LRRN2: variants seen among roughly 807,000 people sequenced by gnomAD.
LRRN2 encodes the protein leucine rich repeat neuronal 2.
LRRN2 carries 10 observed loss-of-function variants against 35.7 expected under a neutral mutation model. The ratio of observed to expected loss-of-function variants is 0.28; its 90% confidence interval spans 0.17 to 0.47. LRRN2 has a LOEUF of 0.47. LRRN2 is among the 20% of genes least tolerant of loss of function. LRRN2 has a pLI of 0.99. For missense variants in LRRN2, 731 were observed against 940.3 expected, an observed-to-expected ratio of 0.78 and a Z score of 2.91; for synonymous variants, 391 against 409.6, an observed-to-expected ratio of 0.95 and a Z score of 0.55.
intron 1 of LRRN2, chr1:204,627,082 T>C (rs1387752419): frequency 6.6e-6 from 1 of 152,156 alleles, no homozygotes; most frequent in African/African-American, 2.4e-5. Context: ...GAAAGCAAAG[T>C]CTCAGAGGAA....
chr1:204,631,264 ATATATATATATATAT>A (rs1667692157), intron 1 of LRRN2, among the ~76,000 whole-genome samples: 1 of 22,734 alleles, frequency 4.4e-5, no homozygotes, highest in African/African-American at 1.3e-4. Flanking sequence ...TTCTATATAT[ATATATATATATATAT>A]ATATATATAT....
intron 1 of LRRN2, among the ~76,000 whole-genome samples, chr1:204,640,979 C>T (rs1281815941): frequency 6.6e-6 from 1 of 150,506 alleles, no homozygotes; most frequent in Non-Finnish European, 1.5e-5. Flanking sequence ...CTAATAACAG[C>T]TCTAGCACTT....
intron 1 of LRRN2, among the ~76,000 whole-genome samples, chr1:204,668,953 A>G (rs961145956): frequency 6.6e-6 from 1 of 152,066 alleles, no homozygotes; most frequent in Admixed American, 6.6e-5. Context: ...TCTCCCAAGT[A>G]GCTGGAACTA....
At chr1:204,634,942 C>T (rs1167389481) in intron 1 of LRRN2, among the ~76,000 whole-genome samples, 2 of 152,140 alleles carry the variant, frequency 1.3e-5, no homozygotes, top group Admixed American at 6.5e-5. Flanking sequence ...CAGAGACGTA[C>T]AGCTCAAATG....
chr1:204,624,895 G>A (rs928365199), intron 1 of LRRN2, among the ~76,000 whole-genome samples: 4 of 152,182 alleles, frequency 2.6e-5, no homozygotes, highest in Non-Finnish European at 2.9e-5. Flanking sequence ...TGAGTGTAGC[G>A]TTGATAAACT....
rs1453791580 is a variant in LRRN2 at position 204,618,837 on chromosome 1, G to A, written c.1156C>T (p.Arg386Cys). The A allele has an allele frequency of 3.7e-6, 6 of 1,613,990 alleles. No homozygotes were observed. The highest frequency in any genetic ancestry group is 1.6e-4 in the Middle Eastern group (1 of 6,084). Residue 386 changes from arginine (R) to cysteine (C), a missense_variant, in exon 2 of 2, where the codon CGT becomes TGT. Transcript: ENST00000367177. ...VIRWANATGTRVRFIEPQSTL... is the reference protein window; with the variant it reads ...VIRWANATGTCVRFIEPQSTL... ...GATTGCGGCTCGATGAAGCGGACAC[G>A]GGTGCCCGTGGCATTGGCCCAGCGG...
In LRRN2 at chr1:204,680,636, G is replaced by C. The variant is rs56831493; in HGVS notation, c.-227+4684C>G. 8.2e-3 allele frequency among the ~76,000 whole-genome samples: 1,253 copies of C among 152,292 alleles called. 23 individuals carry two copies. Among genetic ancestry groups the C allele is most frequent in the African/African-American group, 0.029 (1,221 of 41,542 alleles). On this transcript the variant is annotated intron_variant, in intron 1 of 1. Transcript: ENST00000367177. The stretch of plus-strand genomic sequence containing the variant: ...AAGGTCATGAGGCTAACCCCCAGCA[G>C]GGATGCACCAGGTCCCCTGCACCAA...
At chr1:204,644,174 G>A (rs527362099) in intron 1 of LRRN2, among the ~76,000 whole-genome samples, 3 of 152,174 alleles carry the variant, frequency 2.0e-5, no homozygotes, top group South Asian at 4.2e-4. Flanking sequence ...TAAAATGGGA[G>A]TGGTGGTCAG....
chr1:204,619,838 G>C lies in LRRN2; in HGVS notation c.155C>G (p.Thr52Ser). The C allele has an allele frequency of 6.2e-7, 1 of 1,613,922 alleles. No individual in the cohort carries two copies. Among genetic ancestry groups the C allele is most frequent in the Non-Finnish European group, 8.5e-7 (1 of 1,179,880 alleles). The change falls in exon 2 of 2, where the codon ACT becomes AGT. Residue 52 changes from threonine to serine, a missense_variant. Physicochemically the swap from Thr to Ser is moderately conservative, Grantham distance 58. Coordinates refer to ENST00000367177, the MANE Select transcript of LRRN2 (RefSeq NM_201630.2). ...CAGGAATAGGTCATTGCAGTCCACAGTGGTAGCCTCGCGGTAGGACGAGCG... is the reference window on the plus strand; with the variant it reads ...CAGGAATAGGTCATTGCAGTCCACACTGGTAGCCTCGCGGTAGGACGAGCG... ...TPRSSYREAT[T>S]VDCNDLFLTA...
At chr1:204,635,062 C>T (rs1356089239) in intron 1 of LRRN2, among the ~76,000 whole-genome samples, 2 of 152,172 alleles carry the variant, frequency 1.3e-5, no homozygotes, top group Non-Finnish European at 2.9e-5. Context: ...AGCTATTGGT[C>T]AGGTGGGCAG....
intron 1 of LRRN2, among the ~76,000 whole-genome samples, chr1:204,638,266 A>C (rs1022310486): frequency 3.5e-4 from 54 of 152,232 alleles, no homozygotes; most frequent in African/African-American, 1.2e-3. Context: ...TGTTCACAAC[A>C]GGACTCGGCT....
intron 1 of LRRN2, among the ~76,000 whole-genome samples, chr1:204,666,696 C>T (rs906094579): frequency 1.3e-5 from 2 of 152,168 alleles, no homozygotes; most frequent in African/African-American, 4.8e-5. Flanking sequence ...CGCGGTGGCT[C>T]ATGCCTGTAA....
chr1:204,674,792 G>A (rs1299168635), intron 1 of LRRN2, among the ~76,000 whole-genome samples: 2 of 152,192 alleles, frequency 1.3e-5, no homozygotes, highest in East Asian at 1.9e-4. Context: ...AACCTGGGCT[G>A]GCTGCGGATG....
Position 204,618,667 on chromosome 1 carries a change from C to T in LRRN2, c.1326G>A (p.Val442=), listed in dbSNP as rs1666584620. ...GTTCGGCCAGTGCCCGGCAATGCAG[C>T]ACCATGCTCTCTCCACTGGCTACCT... ...SLQVASGESM[V]LHCRALAEPE... is the part of the protein sequence containing the mutation. Residue 442 remains valine, a synonymous_variant, in exon 2 of 2, where the codon GTG becomes GTA. Transcript: ENST00000367177. 1.2e-6 allele frequency: 2 copies of T among 1,603,386 alleles called. No individual in the cohort carries two copies. The highest frequency in any genetic ancestry group is 1.7e-6 in the Non-Finnish European group (2 of 1,173,976).
chr1:204,672,850 C>CTAG (rs549505841), intron 1 of LRRN2, among the ~76,000 whole-genome samples: 3 of 152,312 alleles, frequency 2.0e-5, no homozygotes, highest in Admixed American at 2.0e-4. Flanking sequence ...CGACCACCCA[C>CTAG]TAGTTCCATC....
At position 204,618,854 on chromosome 1, in the gene LRRN2, G is replaced by A. The variant is rs372187579; in HGVS notation, c.1139C>T (p.Ala380Val). The change falls in exon 2 of 2, where the codon GCC becomes GTC. Residue 380 changes from alanine to valine, a missense_variant. By Grantham distance (64) the Ala-to-Val change is moderately conservative (BLOSUM62 0). Coordinates refer to ENST00000367177, the MANE Select transcript of LRRN2 (RefSeq NM_201630.2). ...PIRCDCVIRWANATGTRVRFI... is the reference protein window; with the variant it reads ...PIRCDCVIRWVNATGTRVRFI... The stretch of plus-strand genomic sequence containing the variant: ...GCGGACACGGGTGCCCGTGGCATTG[G>A]CCCAGCGGATGACACAGTCACAGCG... The A allele has an allele frequency of 2.5e-6, 4 of 1,614,032 alleles. No homozygotes were observed. The highest frequency in any genetic ancestry group is 2.5e-6 in the Non-Finnish European group (3 of 1,180,038).
intron 1 of LRRN2, among the ~76,000 whole-genome samples, chr1:204,671,445 G>A (rs916678747): frequency 7.0e-6 from 1 of 141,930 alleles, no homozygotes; most frequent in African/African-American, 2.6e-5. Flanking sequence ...GTGTCCCAGC[G>A]GGTCCAGATT....
chr1:204,629,174 C>T lies in LRRN2; in HGVS notation c.-226-8956G>A, dbSNP rs374853638. ...GGGGAGGGAAGACCCAAGAGCAATA[C>T]AAGTGATAGTCTCTCCTGTCCCATG... On this transcript the variant is annotated intron_variant, in intron 1 of 1. Coordinates refer to ENST00000367177, the MANE Select transcript of LRRN2 (RefSeq NM_201630.2). 4.6e-5 allele frequency: 7 copies of T among 152,432 alleles called. No individual in the cohort carries two copies. The South Asian group carries it at 6.2e-4, about 14-fold the overall frequency. The allele number at this position is 152,432 out of a possible 1,614,324, so 9.4% of individuals were successfully genotyped here.
intron 1 of LRRN2, among the ~76,000 whole-genome samples, chr1:204,627,661 C>T (rs1490697019): frequency 6.6e-6 from 1 of 152,228 alleles, no homozygotes; most frequent in Admixed American, 6.5e-5. Context: ...TGCAGGGGAG[C>T]CGAGCCAGCC....
Sources: allele counts gnomAD v4.1 joint callset (sites outside exome capture counted in the v4.1 genomes callset), GRCh38; gene constraint gnomAD v4.1.1; transcripts MANE v1.5; gene names NCBI Gene and HGNC (gene_info 2026-07-23, HGNC 2026-07-21).